PRKN: variants seen among roughly 807,000 people sequenced by gnomAD.
The protein encoded by PRKN is E3 ubiquitin-protein ligase parkin.
Under a neutral mutation model 59.5 loss-of-function variants are expected in PRKN, and 56 were observed. The observed-to-expected ratio is 0.94, with a 90% CI of 0.76 to 1.18. The LOEUF (loss-of-function observed/expected upper bound fraction) is 1.18. PRKN is among the 50% of genes most tolerant of loss of function. The pLI is 0.00. For missense variants in PRKN, 657 were observed against 596.4 expected, an observed-to-expected ratio of 1.10 and a Z score of -1.06; for synonymous variants, 250 against 222.1, an observed-to-expected ratio of 1.13 and a Z score of -1.12.
At chr6:161,619,553 A>G (rs1782817130) in intron 7 of PRKN, among the ~76,000 whole-genome samples, 1 of 152,200 alleles carries the variant, frequency 6.6e-6, no homozygotes, top group African/African-American at 2.4e-5. Flanking sequence ...AGATAGTTTT[A>G]TTTTAAATCT....
chr6:161,824,475 A>C (rs1213478731), intron 6 of PRKN, among the ~76,000 whole-genome samples: 1 of 152,222 alleles, frequency 6.6e-6, no homozygotes, highest in Non-Finnish European at 1.5e-5. Flanking sequence ...GAAGTGCAGA[A>C]ACCTGTAGAA....
chr6:162,246,496 A>G (rs144782951), intron 3 of PRKN, among the ~76,000 whole-genome samples: 189 of 152,292 alleles, frequency 1.2e-3, no homozygotes, highest in Non-Finnish European at 2.4e-3. Context: ...AAAATAAAGC[A>G]AACTCTGAGT....
intron 1 of PRKN, among the ~76,000 whole-genome samples, chr6:162,588,651 A>G (rs1054539630): frequency 2.2e-4 from 33 of 152,056 alleles, no homozygotes; most frequent in Non-Finnish European, 3.2e-4. Context: ...TCCCAGGTTC[A>G]CACCATTCTC....
intron 10 of PRKN, among the ~76,000 whole-genome samples, chr6:161,384,992 C>T (rs755128825): frequency 2.6e-5 from 4 of 152,232 alleles, no homozygotes; most frequent in African/African-American, 4.8e-5. Flanking sequence ...TGCAGTGGTG[C>T]GATCTCAGCT....
rs1787456045 is a variant in PRKN, at chr6:161,410,115, T to C, written c.1084-23238A>G. On this transcript the variant is annotated intron_variant, in intron 9 of 11. Coordinates refer to ENST00000366898, the MANE Select transcript of PRKN (RefSeq NM_004562.3). This position sits in a 1 kb window ranked among gnomAD's most constrained non-coding sequence, Gnocchi z 5.3. ...CTGGGTCAGCGGTCTGGCACTTTTT[T>C]TGAGTGTCTGCTGCCCTTGAAGAAG... Among the ~76,000 whole-genome samples, 1 of 152,110 alleles carries C rather than the reference T, an allele frequency of 6.6e-6. No individual in the cohort carries two copies. Among genetic ancestry groups the C allele is most frequent in the South Asian group, 2.1e-4 (1 of 4,824 alleles).
In PRKN at chr6:161,593,498, T is replaced by A. The variant is rs535441376; in HGVS notation, c.872-24082A>T. ...GGGAGCCCAGTTAGGAGGCTCTGGC[T>A]GTGGCCTGTGGTCAGCAGTGCAGCG... On this transcript the variant is annotated intron_variant, in intron 7 of 11. Coordinates refer to ENST00000366898, the MANE Select transcript of PRKN (RefSeq NM_004562.3). The surrounding 1 kb of genome is among the most constrained non-coding windows in gnomAD (Gnocchi z 4.8). Among the ~76,000 whole-genome samples, 1 of 152,288 alleles carries A rather than the reference T, an allele frequency of 6.6e-6. No individual in the cohort carries two copies. The highest frequency in any genetic ancestry group is 2.4e-5 in the African/African-American group (1 of 41,586).
intron 6 of PRKN, among the ~76,000 whole-genome samples, chr6:161,938,767 G>A (rs1394595191): frequency 1.3e-5 from 2 of 152,136 alleles, no homozygotes; most frequent in Non-Finnish European, 2.9e-5. Flanking sequence ...ATTTGTGTCT[G>A]TAGAGACACA....
At chr6:162,161,237 T>G (rs920603528) in intron 4 of PRKN, among the ~76,000 whole-genome samples, 4 of 152,104 alleles carry the variant, frequency 2.6e-5, no homozygotes, top group Admixed American at 1.3e-4. Context: ...CCCAGAAATC[T>G]AGGTCACAGA....
At chr6:162,394,180 G>A (rs16893771) in intron 2 of PRKN, among the ~76,000 whole-genome samples, 4,112 of 152,090 alleles carry the variant, frequency 0.027, 192 homozygotes, top group African/African-American at 0.091. Context: ...CAAAAATCTC[G>A]CTTTCATGTT....
intron 4 of PRKN, among the ~76,000 whole-genome samples, chr6:162,188,413 C>T (rs1044168956): frequency 6.6e-6 from 1 of 152,122 alleles, no homozygotes; most frequent in Non-Finnish European, 1.5e-5. Context: ...CTTCATTCTC[C>T]AACCTGAACA....
At chr6:161,725,426 T>C (rs1787401122) in intron 7 of PRKN, among the ~76,000 whole-genome samples, 1 of 152,162 alleles carries the variant, frequency 6.6e-6, no homozygotes, top group South Asian at 2.1e-4. Context: ...TCTTCAAAGA[T>C]AGTACCACCT....
intron 7 of PRKN, among the ~76,000 whole-genome samples, chr6:161,580,763 C>T (rs557749100): frequency 1.3e-5 from 2 of 151,560 alleles, no homozygotes; most frequent in South Asian, 4.3e-4. Flanking sequence ...CAGGTGTGAG[C>T]CACCGCACCC....
intron 3 of PRKN, among the ~76,000 whole-genome samples, chr6:162,245,014 G>T (rs767773805): frequency 6.6e-6 from 1 of 152,046 alleles, no homozygotes; most frequent in African/African-American, 2.4e-5. Context: ...GTAAAATATT[G>T]TATCTCTCTG....
At chr6:162,023,985 T>C (rs1290190818) in intron 5 of PRKN, among the ~76,000 whole-genome samples, 1 of 152,136 alleles carries the variant, frequency 6.6e-6, no homozygotes, top group African/African-American at 2.4e-5. Flanking sequence ...GGACTCTTTT[T>C]TGGTTCCATA....
intron 6 of PRKN, among the ~76,000 whole-genome samples, chr6:161,791,247 A>G (rs1235395688): frequency 6.6e-6 from 1 of 152,148 alleles, no homozygotes; most frequent in Non-Finnish European, 1.5e-5. Flanking sequence ...ATAAAAAGCG[A>G]CCCTTTGTTT....
intron 3 of PRKN, among the ~76,000 whole-genome samples, chr6:162,217,234 T>A (rs887098742): frequency 6.6e-6 from 1 of 152,210 alleles, no homozygotes; most frequent in African/African-American, 2.4e-5. Flanking sequence ...TCTCCTGATA[T>A]GCATGGTTTC....
At position 161,581,041 on chromosome 6, in the gene PRKN, A is replaced by AAC. The variant is rs71004055; in HGVS notation, c.872-11627_872-11626dup. Among the ~76,000 whole-genome samples the AAC allele has an allele frequency of 0.043, 5,874 of 137,268 alleles. 189 individuals carry two copies. Among genetic ancestry groups the AAC allele is most frequent in the African/African-American group, 0.087 (3,111 of 35,932 alleles). 90.1% of individuals were successfully genotyped at this position (137,268 alleles called of 152,430 possible). Reference sequence around the variant, plus strand: ...ACACAGTGAAATCCTGTCTCTACTAAACACACACACACACACACACACACA... The same window carrying AAC: ...ACACAGTGAAATCCTGTCTCTACTAAACACACACACACACACACACACACACA... On this transcript the variant is annotated intron_variant, in intron 7 of 11. Transcript: ENST00000366898. This position sits in a 1 kb window ranked among gnomAD's most constrained non-coding sequence, Gnocchi z 4.5.
At chr6:161,896,609 A>G (rs1223241157) in intron 6 of PRKN, among the ~76,000 whole-genome samples, 1 of 152,202 alleles carries the variant, frequency 6.6e-6, no homozygotes, top group East Asian at 1.9e-4. Flanking sequence ...AAAACACGGC[A>G]TGTAAGAACT....
At chr6:161,900,849 T>C (rs890191669) in intron 6 of PRKN, among the ~76,000 whole-genome samples, 14 of 141,794 alleles carry the variant, frequency 9.9e-5, no homozygotes, top group African/African-American at 3.4e-4. Flanking sequence ...TATATATAAT[T>C]ACATATATAA....
Sources: gnomAD v4.1 joint callset for allele counts (sites outside exome capture counted in the v4.1 genomes callset) on GRCh38, gnomAD v4.1.1 for gene constraint, Gnocchi (gnomAD v3.1) non-coding constraint, MANE v1.5 for transcripts, NCBI Gene and HGNC (gene_info 2026-07-23, HGNC 2026-07-21) for gene names.